ITSN2: variants seen among roughly 807,000 people sequenced by gnomAD.
ITSN2 encodes intersectin 2.
In ITSN2, 156 loss-of-function variants were observed where a neutral mutation model predicts 243.7. That is an observed-to-expected ratio of 0.64 (90% CI 0.56 to 0.73). The LOEUF (loss-of-function observed/expected upper bound fraction) is 0.73. Ranked by LOEUF, ITSN2 falls within the 30% of genes least tolerant of loss-of-function variation. The pLI is 0.00. For synonymous variants in ITSN2, 703 were observed against 699.9 expected (o/e 1.00, Z -0.07); for missense variants, 1,801 against 1,996.1 (o/e 0.90, Z 1.86).
chr2:24,237,650 C>G (rs140959938), intron 29 of ITSN2, among the ~76,000 whole-genome samples: 5 of 152,292 alleles, frequency 3.3e-5, no homozygotes, highest in Non-Finnish European at 7.4e-5. Context: ...CATCCTGTCC[C>G]TCAAGACACA....
chr2:24,253,811 C>CTT (rs1337013201), intron 24 of ITSN2, among the ~76,000 whole-genome samples: 1 of 152,152 alleles, frequency 6.6e-6, no homozygotes, highest in Non-Finnish European at 1.5e-5. Flanking sequence ...TTATAATGGA[C>CTT]TTATACATTT....
chr2:24,239,288 C>T (rs2151246078), intron 29 of ITSN2: 1 of 152,490 alleles, frequency 6.6e-6, no homozygotes, highest in African/African-American at 2.4e-5. Flanking sequence ...GTATTTCTTT[C>T]TCTACTTTTC....
intron 20 of ITSN2, among the ~76,000 whole-genome samples, chr2:24,266,367 G>C (rs1676657458): frequency 6.6e-6 from 1 of 151,950 alleles, no homozygotes; most frequent in South Asian, 2.1e-4. Flanking sequence ...ATTAACAATA[G>C]ACTTAAAGCT....
chr2:24,336,916 G>A (rs752485291), intron 1 of ITSN2, among the ~76,000 whole-genome samples: 37 of 152,078 alleles, frequency 2.4e-4, no homozygotes, highest in Non-Finnish European at 4.6e-4. Flanking sequence ...CAAAAAAGAT[G>A]TGAATAAAGC....
intron 19 of ITSN2, 73 bp from the exon 20 acceptor site, chr2:24,270,841 T>C (rs995234512): frequency 1.2e-4 from 90 of 774,684 alleles, no homozygotes; most frequent in Non-Finnish European, 1.8e-4. Flanking sequence ...TAAAGAGCTC[T>C]AAAACCTAAA....
intron 23 of ITSN2, among the ~76,000 whole-genome samples, chr2:24,254,907 G>A (rs1444716523): frequency 1.3e-5 from 2 of 152,162 alleles, no homozygotes; most frequent in Non-Finnish European, 2.9e-5. Flanking sequence ...CCAGGAATCT[G>A]TTTTCAAAAA....
rs981055905 is a variant in ITSN2 at position 24,216,388 on chromosome 2, T to C, written c.3807-156A>G. ...AACTCAAGAGGAAGAGGAGATAGCT[T>C]GGGCCAAAAGCTCTGCTGGTCAAGC... On this transcript the variant is annotated intron_variant, in intron 31 of 39. Transcript: ENST00000355123. 9.2e-5 allele frequency: 52 copies of C among 565,486 alleles called. No individual in the cohort carries two copies. The African/African-American group carries it at 9.9e-4, about 11-fold the overall frequency. The allele number at this position is 565,486 out of a possible 1,614,324, so 35.0% of individuals were successfully genotyped here.
intron 12 of ITSN2, among the ~76,000 whole-genome samples, 185 bp from the exon 13 acceptor site, chr2:24,298,999 T>C (rs1681361233): frequency 6.6e-6 from 1 of 151,094 alleles, no homozygotes; most frequent in African/African-American, 2.4e-5. Flanking sequence ...GCTTCATCTA[T>C]CATATTTTCT....
rs774927870 is a variant in ITSN2, at chr2:24,204,314, A to T, written c.4867T>A (p.Phe1623Ile). 7 of 1,614,096 alleles carry T rather than the reference A, an allele frequency of 4.3e-6. No homozygotes were observed. The East Asian group carries it at 1.6e-4, about 36-fold the overall frequency. ...NPKWNFNCQF[F>I]IKDLYQDVLC... ...ACGTCTTGGTAGAGATCCTTAATAA[A>T]GAACTGGCAGTTAAAATTCCACTTG... The change falls in exon 39 of 40, where the codon TTT (phenylalanine) becomes ATT (isoleucine). Residue 1623 changes from phenylalanine to isoleucine, a missense_variant. This residue lies in a region of ITSN2 where 928 missense variants were observed against 1,065.4 expected (regional missense o/e 0.87). Transcript: ENST00000355123. This position sits in a 1 kb window ranked among gnomAD's most constrained non-coding sequence, Gnocchi z 5.1.
At chr2:24,275,402 T>G (rs559697773) in intron 18 of ITSN2, among the ~76,000 whole-genome samples, 5 of 152,012 alleles carry the variant, frequency 3.3e-5, no homozygotes, top group Admixed American at 3.3e-4. Flanking sequence ...ATATGCATTA[T>G]TGTCTCTATT....
At chr2:24,292,653 T>C (rs1181326579) in intron 15 of ITSN2, among the ~76,000 whole-genome samples, 5 of 152,234 alleles carry the variant, frequency 3.3e-5, no homozygotes, top group Non-Finnish European at 7.3e-5. Flanking sequence ...CCTAGGAATG[T>C]ACAGCCTAGG....
At chr2:24,246,669 G>A in intron 28 of ITSN2, 128 bp downstream of exon 28, 2 of 635,828 alleles carry the variant, frequency 3.1e-6, no homozygotes, top group Non-Finnish European at 5.4e-6. Context: ...TCAGTGGCAT[G>A]TCCCTTTTAA....
intron 20 of ITSN2, among the ~76,000 whole-genome samples, chr2:24,269,172 G>A (rs574877965): frequency 2.7e-5 from 4 of 150,786 alleles, no homozygotes; most frequent in South Asian, 2.1e-4. Context: ...TCTCTCTCAC[G>A]TTACTACTCC....
chr2:24,216,348 G>T (rs1669952171), intron 31 of ITSN2, 116 bp from the exon 32 acceptor site: 7 of 827,466 alleles, frequency 8.5e-6, no homozygotes, highest in Non-Finnish European at 1.3e-5. Flanking sequence ...AAGAACCTCT[G>T]GCACTGGGAA....
chr2:24,236,814 C>T (rs544338173), intron 29 of ITSN2, among the ~76,000 whole-genome samples: 7 of 151,696 alleles, frequency 4.6e-5, no homozygotes, highest in Admixed American at 3.9e-4. Context: ...GGACTACAGG[C>T]GTGCAGCAGC....
chr2:24,326,922 C>T (rs941759737), intron 2 of ITSN2, among the ~76,000 whole-genome samples: 6 of 152,078 alleles, frequency 3.9e-5, no homozygotes, highest in Non-Finnish European at 7.4e-5. Flanking sequence ...TAACACTAGA[C>T]GGTAATATCA....
chr2:24,342,872 C>T (rs1687176353), intron 1 of ITSN2, among the ~76,000 whole-genome samples: 1 of 151,896 alleles, frequency 6.6e-6, no homozygotes, highest in Non-Finnish European at 1.5e-5. Flanking sequence ...AGTGGATCAC[C>T]TTGAGCTCAG....
chr2:24,342,468 T>C (rs985481610), intron 1 of ITSN2, among the ~76,000 whole-genome samples: 2 of 150,458 alleles, frequency 1.3e-5, no homozygotes, highest in South Asian at 2.1e-4. Context: ...CAATGCAAGC[T>C]TTCTTTGTCT....
In ITSN2 at chr2:24,303,864, T is replaced by G; in HGVS notation, c.794-2A>C. 1 of 1,595,714 alleles carries G rather than the reference T, an allele frequency of 6.3e-7. No homozygotes were observed. The highest frequency in any genetic ancestry group is 1.7e-5 in the Admixed American group (1 of 59,992). On this transcript the variant is annotated splice_acceptor_variant, in intron 8 of 39. Transcript: ENST00000355123. LOFTEE classifies it high-confidence loss of function. ...GAAGGGCATTTCTAGCTTGAAAACC[T>G]GATTAAGTGGGGAAAATCATAAAGG... is the stretch of plus-strand genomic sequence containing the variant.
Sources: allele counts gnomAD v4.1 joint callset (sites outside exome capture counted in the v4.1 genomes callset), GRCh38; gene constraint gnomAD v4.1.1; regional missense constraint gnomAD v4.1.1; non-coding constraint Gnocchi (gnomAD v3.1); transcripts MANE v1.5; gene names NCBI Gene and HGNC (gene_info 2026-07-23, HGNC 2026-07-21).